The following PREX2 variants were observed in gnomAD, a reference collection of about 807,000 sequenced individuals.
PREX2 encodes the protein phosphatidylinositol-3,4,5-trisphosphate dependent Rac exchange factor 2.
PREX2 carries 107 observed loss-of-function variants against 203.2 expected under a neutral mutation model. That is an observed-to-expected ratio of 0.53 (90% CI 0.45 to 0.62). The LOEUF is 0.62. Among genes scored for constraint, PREX2 ranks in the 20% least tolerant of loss-of-function variants. The probability of loss-of-function intolerance (pLI) is 0.00; values close to 1 mark genes in which losing one functional copy is unlikely to be tolerated. For missense variants in PREX2, 1,777 were observed against 1,955.9 expected (o/e 0.91, Z 1.72); for synonymous variants, 672 against 663.6 (o/e 1.01, Z -0.19).
intron 10 of PREX2, 74 bp downstream of exon 10, chr8:68,056,048 A>G (rs1331084460): frequency 6.3e-6 from 9 of 1,434,728 alleles, no homozygotes; most frequent in Non-Finnish European, 8.5e-6. Flanking sequence ...TCCTTCAATT[A>G]GTTTTCCTTT....
At chr8:68,057,276 C>T (rs1056230898) in intron 10 of PREX2, among the ~76,000 whole-genome samples, 3 of 152,150 alleles carry the variant, frequency 2.0e-5, no homozygotes, top group Non-Finnish European at 4.4e-5. Flanking sequence ...CTGGAGCTTT[C>T]CCAGCCATGC....
intron 1 of PREX2, among the ~76,000 whole-genome samples, chr8:67,960,926 CA>C (rs1303255186): frequency 6.7e-6 from 1 of 149,524 alleles, no homozygotes; most frequent in African/African-American, 2.5e-5. Context: ...TTTAGGAGCT[CA>C]AGTAGAGACG....
intron 1 of PREX2, among the ~76,000 whole-genome samples, chr8:67,968,022 A>G (rs1306878601): frequency 2.0e-5 from 3 of 151,572 alleles, no homozygotes; most frequent in African/African-American, 4.9e-5. Flanking sequence ...AGGTATGCAT[A>G]TGTAACAAAC....
At chr8:68,153,119 AC>A (rs1171653356) in intron 34 of PREX2, among the ~76,000 whole-genome samples, 1 of 152,232 alleles carries the variant, frequency 6.6e-6, no homozygotes, top group Non-Finnish European at 1.5e-5. Flanking sequence ...AATGGGATCA[AC>A]AAATCTTGCT....
At chr8:67,952,766 A>G (rs1805391044) in intron 1 of PREX2, 1 of 631,834 alleles carries the variant, frequency 1.6e-6, no homozygotes, top group Non-Finnish European at 2.8e-6. Flanking sequence ...GGAGACCTCC[A>G]GGTCTGAAAA....
At chr8:68,038,370 A>G (rs1182290798) in intron 7 of PREX2, 78 bp downstream of exon 7, 98 of 1,446,962 alleles carry the variant, frequency 6.8e-5, no homozygotes, top group Non-Finnish European at 8.5e-6. Context: ...GAACTCATCT[A>G]TCCAGCTCAC....
chr8:67,986,929 A>G (rs1206929644), intron 1 of PREX2, among the ~76,000 whole-genome samples: 1 of 151,988 alleles, frequency 6.6e-6, no homozygotes, highest in African/African-American at 2.4e-5. Context: ...ACTTCGGGAG[A>G]CTGAGGTGGG....
intron 18 of PREX2, among the ~76,000 whole-genome samples, chr8:68,087,209 A>G (rs1809718879): frequency 6.6e-6 from 1 of 152,170 alleles, no homozygotes; most frequent in Non-Finnish European, 1.5e-5. Context: ...CCACCTACAA[A>G]CTGACTACTT....
intron 1 of PREX2, among the ~76,000 whole-genome samples, chr8:67,988,026 G>T (rs553722648): frequency 6.6e-6 from 1 of 152,110 alleles, no homozygotes; most frequent in South Asian, 2.1e-4. Context: ...TGAATAACCC[G>T]TTTCATTTTT....
At chr8:68,063,661 A>T (rs780964829) in intron 11 of PREX2, among the ~76,000 whole-genome samples, 11 of 152,178 alleles carry the variant, frequency 7.2e-5, no homozygotes, top group Non-Finnish European at 1.2e-4. Context: ...TGCAAAAATG[A>T]CTTATCCCAT....
At chr8:68,121,630 A>T (rs1383979739) in intron 30 of PREX2, among the ~76,000 whole-genome samples, 1 of 152,158 alleles carries the variant, frequency 6.6e-6, no homozygotes, top group Non-Finnish European at 1.5e-5. Context: ...AATCAGTGTG[A>T]TTAAGTGAAA....
intron 37 of PREX2, among the ~76,000 whole-genome samples, chr8:68,202,689 G>A (rs186904825): frequency 1.2e-3 from 180 of 152,158 alleles, no homozygotes; most frequent in Non-Finnish European, 1.8e-3. Flanking sequence ...ATAGGGGAGA[G>A]GTAGAATGTT....
chr8:68,151,734 T>C (rs1811439045), intron 34 of PREX2, among the ~76,000 whole-genome samples: 1 of 151,962 alleles, frequency 6.6e-6, no homozygotes, highest in African/African-American at 2.4e-5. Flanking sequence ...ATGCTGGTCT[T>C]TTCTCTGCCA....
At chr8:68,144,111 A>T (rs1251627000) in intron 33 of PREX2, among the ~76,000 whole-genome samples, 1 of 152,190 alleles carries the variant, frequency 6.6e-6, no homozygotes, top group African/African-American at 2.4e-5. Context: ...TAAGTCTTAA[A>T]TTAAAGGAGT....
At chr8:68,223,142 T>C (rs910123528) in intron 38 of PREX2, among the ~76,000 whole-genome samples, 1 of 152,206 alleles carries the variant, frequency 6.6e-6, no homozygotes, top group African/African-American at 2.4e-5. Context: ...TTAATAATAT[T>C]GTACCAATGT....
chr8:68,083,019 A>T (rs1809577092), intron 17 of PREX2: 1 of 395,242 alleles, frequency 2.5e-6, no homozygotes, highest in African/African-American at 2.0e-5. Flanking sequence ...AAATGGGGAT[A>T]ATTTTGGTAA....
intron 8 of PREX2, among the ~76,000 whole-genome samples, chr8:68,048,680 A>C (rs999261268): frequency 5.3e-5 from 8 of 152,096 alleles, no homozygotes; most frequent in African/African-American, 1.2e-4. Context: ...ATACAAAGGC[A>C]AACACATAAG....
At chr8:68,118,156 C>T (rs1026801613) in intron 26 of PREX2, among the ~76,000 whole-genome samples, 3 of 152,074 alleles carry the variant, frequency 2.0e-5, no homozygotes, top group African/African-American at 7.2e-5. Flanking sequence ...GAGATGGAGA[C>T]CATCCTGGCT....
At chr8:68,013,781 C>T (rs886706240) in intron 1 of PREX2, among the ~76,000 whole-genome samples, 2 of 152,020 alleles carry the variant, frequency 1.3e-5, no homozygotes, top group Admixed American at 6.6e-5. Context: ...ATTTACCTAT[C>T]TGTAACCATA....
Sources: allele counts gnomAD v4.1 joint callset (sites outside exome capture counted in the v4.1 genomes callset), GRCh38; gene constraint gnomAD v4.1.1; transcripts MANE v1.5; gene names NCBI Gene and HGNC (gene_info 2026-07-23, HGNC 2026-07-21).